The following FREM2 variants were observed in gnomAD, a reference collection of about 807,000 sequenced individuals.
FREM2 encodes the protein FRAS1-related extracellular matrix protein 2.
Under a neutral mutation model 219.9 loss-of-function variants are expected in FREM2, and 119 were observed. The ratio of observed to expected loss-of-function variants is 0.54; its 90% CI spans 0.47 to 0.63. FREM2 has a LOEUF of 0.63. FREM2 is among the 30% of genes least tolerant of loss of function. The pLI, the probability that FREM2 is intolerant of heterozygous loss-of-function variation, is 0.00. For synonymous variants in FREM2, 1,562 were observed against 1,522.8 expected (o/e 1.03, Z -0.60); for missense variants, 4,030 against 3,993.6 (o/e 1.01, Z -0.25).
At chr13:38,805,702 A>G (rs1335644927) in intron 6 of FREM2, among the ~76,000 whole-genome samples, 1 of 151,954 alleles carries the variant, frequency 6.6e-6, no homozygotes, top group Non-Finnish European at 1.5e-5. Context: ...GTGAAGTGGA[A>G]TAATGAAAGG....
rs921922896 is a variant in FREM2, at chr13:38,748,161, A to G, written c.5264-16143A>G. Among the ~76,000 whole-genome samples the G allele has an allele frequency of 2.0e-5, 3 of 152,234 alleles. No individual in the cohort carries two copies. The South Asian group carries it at 6.2e-4, about 32-fold the overall frequency. Reference sequence around the variant, plus strand: ...TGGGGCATTATATAGTTAAGTTGCAAAAAAAGCAAAGCGTGTGTTCCAACA... The same window carrying G: ...TGGGGCATTATATAGTTAAGTTGCAGAAAAAGCAAAGCGTGTGTTCCAACA... On this transcript the variant is annotated intron_variant, in intron 2 of 23. Transcript: ENST00000280481.
intron 20 of FREM2, 129 bp downstream of exon 20, chr13:38,876,511 G>A: frequency 1.3e-6 from 1 of 798,514 alleles, no homozygotes; most frequent in Non-Finnish European, 2.1e-6. Context: ...AAAGAAATCA[G>A]ACAGTTAAGG....
chr13:38,769,926 C>T (rs1214025430), intron 4 of FREM2, 118 bp downstream of exon 4: 3 of 774,408 alleles, frequency 3.9e-6, no homozygotes, highest in Non-Finnish European at 4.5e-6. Flanking sequence ...TAGAGAGAAC[C>T]TTCTAGATTA....
intron 2 of FREM2, among the ~76,000 whole-genome samples, chr13:38,701,973 TTAAA>T (rs1444736739): frequency 2.0e-5 from 3 of 152,124 alleles, no homozygotes; most frequent in Non-Finnish European, 2.9e-5. Flanking sequence ...TTACCGAACA[TTAAA>T]TAAATGAATG....
chr13:38,766,493 G>T (rs1450011464), intron 3 of FREM2, among the ~76,000 whole-genome samples: 3 of 152,190 alleles, frequency 2.0e-5, no homozygotes, highest in African/African-American at 7.2e-5. Context: ...AGATTAAAAT[G>T]AAGGGTAGCC....
At position 38,885,106 on chromosome 13, in the gene FREM2, T is replaced by C. The variant is rs1878683129; in HGVS notation, c.*4319T>C. On this transcript the variant is annotated 3_prime_UTR_variant, in exon 24 of 24. Coordinates refer to ENST00000280481, the MANE Select transcript of FREM2 (RefSeq NM_207361.6). ...ATTTTGATACTAAGAAACAAAATGC[T>C]TTGAGATTTTGGTAACTATTTTGAT... 1 of 152,320 alleles carries C rather than the reference T, an allele frequency of 6.6e-6. No individual in the cohort carries two copies. The highest frequency in any genetic ancestry group is 2.4e-5 in the African/African-American group (1 of 41,592). 9.4% of individuals were successfully genotyped at this position (152,320 alleles called of 1,614,324 possible).
intron 6 of FREM2, among the ~76,000 whole-genome samples, chr13:38,806,767 G>A (rs948305985): frequency 6.6e-6 from 1 of 151,782 alleles, no homozygotes; most frequent in East Asian, 2.0e-4. Context: ...TCTGCACCTT[G>A]TGATACTATT....
intron 9 of FREM2, 125 bp from the exon 10 acceptor site, chr13:38,850,819 C>G (rs1345487831): frequency 2.8e-6 from 3 of 1,055,252 alleles, no homozygotes; most frequent in African/African-American, 3.1e-5. Flanking sequence ...TTATTGCATG[C>G]CAAACACTAT....
intron 6 of FREM2, among the ~76,000 whole-genome samples, chr13:38,798,977 C>T (rs1279776014): frequency 6.6e-6 from 1 of 151,826 alleles, no homozygotes; most frequent in East Asian, 1.9e-4. Flanking sequence ...CTGTTTTCTT[C>T]AGTTCTGTTC....
chr13:38,709,711 G>A (rs1446859368), intron 2 of FREM2, among the ~76,000 whole-genome samples: 1 of 151,988 alleles, frequency 6.6e-6, no homozygotes, highest in African/African-American at 2.4e-5. Context: ...TTTATTTAAA[G>A]TGGCTTTCAC....
intron 2 of FREM2, among the ~76,000 whole-genome samples, chr13:38,730,967 T>C (rs868370908): frequency 1.8e-4 from 28 of 152,106 alleles, no homozygotes; most frequent in African/African-American, 6.8e-4. Context: ...CCTTCCTCTT[T>C]GCTGAGAAAT....
At chr13:38,832,143 C>T (rs1044960761) in intron 6 of FREM2, among the ~76,000 whole-genome samples, 6 of 151,758 alleles carry the variant, frequency 4.0e-5, no homozygotes, top group South Asian at 4.2e-4. Flanking sequence ...GGTGAAACCC[C>T]GTCTCTACTA....
At chr13:38,772,730 C>G (rs543353601) in intron 4 of FREM2, among the ~76,000 whole-genome samples, 2 of 149,438 alleles carry the variant, frequency 1.3e-5, no homozygotes, top group East Asian at 3.9e-4. Flanking sequence ...GAGTTTCGCT[C>G]TCGCTGCCCA....
chr13:38,752,363 A>G (rs2079955333), intron 2 of FREM2, among the ~76,000 whole-genome samples: 1 of 152,180 alleles, frequency 6.6e-6, no homozygotes, highest in Non-Finnish European at 1.5e-5. Context: ...TTTGCCGCTG[A>G]AAACAAATAG....
At chr13:38,834,614 G>A (rs1423978130) in intron 6 of FREM2, among the ~76,000 whole-genome samples, 2 of 152,024 alleles carry the variant, frequency 1.3e-5, no homozygotes, top group Non-Finnish European at 1.5e-5. Flanking sequence ...CAACATCTGT[G>A]GTTTCCTGAC....
chr13:38,724,088 GC>G (rs1566118188), intron 2 of FREM2, among the ~76,000 whole-genome samples: 2 of 152,128 alleles, frequency 1.3e-5, no homozygotes, highest in African/African-American at 4.8e-5. Flanking sequence ...AGGTGACCCA[GC>G]ATATCCAGGC....
At chr13:38,783,928 C>T (rs1397965996) in intron 5 of FREM2, among the ~76,000 whole-genome samples, 1 of 152,186 alleles carries the variant, frequency 6.6e-6, no homozygotes, top group East Asian at 1.9e-4. Flanking sequence ...AACCCTGCCT[C>T]TACTAAAAAT....
intron 8 of FREM2, among the ~76,000 whole-genome samples, chr13:38,849,803 A>G (rs936462444): frequency 6.6e-6 from 1 of 152,220 alleles, no homozygotes; most frequent in Non-Finnish European, 1.5e-5. Flanking sequence ...TCTACTTTTT[A>G]ACATTTCATT....
At chr13:38,731,854 T>C (rs943052275) in intron 2 of FREM2, among the ~76,000 whole-genome samples, 6 of 152,210 alleles carry the variant, frequency 3.9e-5, no homozygotes, top group African/African-American at 1.4e-4. Flanking sequence ...GTAAAATAGT[T>C]ATCATCAGTG....
Sources: gnomAD v4.1 joint callset for allele counts (sites outside exome capture counted in the v4.1 genomes callset) on GRCh38, gnomAD v4.1.1 for gene constraint, MANE v1.5 for transcripts, NCBI Gene and HGNC (gene_info 2026-07-23, HGNC 2026-07-21) for gene names.